Variants in KCND2 observed in about 807,000 individuals in gnomAD.
The protein encoded by KCND2 is potassium voltage-gated channel subfamily D member 2.
Under a neutral mutation model 54.4 loss-of-function variants are expected in KCND2, and 16 were observed. The ratio of observed to expected loss-of-function variants is 0.29; its 90% CI spans 0.20 to 0.45. KCND2 has a LOEUF of 0.45. Ranked by LOEUF, KCND2 falls within the 20% of genes least tolerant of loss-of-function variation. The pLI is 1.00. For synonymous variants in KCND2, 317 were observed against 310.7 expected, an observed-to-expected ratio of 1.02 and a Z score of -0.21; for missense variants, 486 against 824.2, an observed-to-expected ratio of 0.59 and a Z score of 5.02.
In KCND2 at chr7:120,711,756, C is replaced by T. The variant is rs186455154; in HGVS notation, c.1116-21147C>T. Reference sequence around the variant, plus strand: ...GTTCTATTCCTTGAGATTTCAGTTTCTGAGCAACAGCAGTTCAAAAATGAT... The same window carrying T: ...GTTCTATTCCTTGAGATTTCAGTTTTTGAGCAACAGCAGTTCAAAAATGAT... On this transcript the variant is annotated intron_variant, in intron 1 of 5. Coordinates refer to ENST00000331113, the MANE Select transcript of KCND2 (RefSeq NM_012281.3). Among the ~76,000 whole-genome samples the T allele has an allele frequency of 3.6e-3, 549 of 152,202 alleles. 1 individual carries two copies. The highest frequency in any genetic ancestry group is 5.2e-3 in the Non-Finnish European group (354 of 67,992).
chr7:120,575,794 G>A (rs1379720595), intron 1 of KCND2, among the ~76,000 whole-genome samples: 1 of 152,098 alleles, frequency 6.6e-6, no homozygotes, highest in Non-Finnish European at 1.5e-5. Flanking sequence ...AAGTAAGCTG[G>A]TGACTCTGGT....
intron 1 of KCND2, among the ~76,000 whole-genome samples, chr7:120,344,207 GATAAAA>G (rs1394478897): frequency 6.6e-6 from 1 of 152,032 alleles, no homozygotes; most frequent in Non-Finnish European, 1.5e-5. Context: ...CACAGTTTAA[GATAAAA>G]ATAATAATAT....
At chr7:120,686,122 C>A (rs1792198147) in intron 1 of KCND2, among the ~76,000 whole-genome samples, 1 of 152,146 alleles carries the variant, frequency 6.6e-6, no homozygotes, top group South Asian at 2.1e-4. Context: ...TGGCACCCCA[C>A]ATAAGAACCC....
intron 1 of KCND2, among the ~76,000 whole-genome samples, chr7:120,408,416 G>A (rs1801395118): frequency 6.6e-6 from 1 of 151,862 alleles, no homozygotes; most frequent in South Asian, 2.1e-4. Flanking sequence ...TAGAGGTAAA[G>A]ATTGGTAAGT....
intron 1 of KCND2, among the ~76,000 whole-genome samples, chr7:120,629,753 A>G (rs1320313915): frequency 6.6e-6 from 1 of 152,120 alleles, no homozygotes. Context: ...AATTCTGGAT[A>G]TATTTGGAGG....
At chr7:120,286,039 A>AT (rs1047018698) in intron 1 of KCND2, among the ~76,000 whole-genome samples, 2 of 151,686 alleles carry the variant, frequency 1.3e-5, no homozygotes, top group African/African-American at 4.8e-5. Flanking sequence ...TAAAGGGAGG[A>AT]TTTTTTTTCA....
intron 1 of KCND2, among the ~76,000 whole-genome samples, chr7:120,721,342 A>G (rs1257677563): frequency 6.6e-6 from 1 of 152,194 alleles, no homozygotes; most frequent in Non-Finnish European, 1.5e-5. Flanking sequence ...TAATAAAAAG[A>G]ATGACCATTC....
chr7:120,691,549 G>A (rs1285695399), intron 1 of KCND2, among the ~76,000 whole-genome samples: 1 of 152,146 alleles, frequency 6.6e-6, no homozygotes, highest in Non-Finnish European at 1.5e-5. Context: ...GTAAACTGGG[G>A]GAGACAGGGA....
chr7:120,683,091 G>A (rs1054967166), intron 1 of KCND2, among the ~76,000 whole-genome samples: 1 of 152,084 alleles, frequency 6.6e-6, no homozygotes, highest in Non-Finnish European at 1.5e-5. Flanking sequence ...TGGCATGACT[G>A]GCTTAGACAA....
At position 120,647,884 on chromosome 7, in the gene KCND2, G is replaced by A. The variant is rs113092136; in HGVS notation, c.1116-85019G>A. On this transcript the variant is annotated intron_variant, in intron 1 of 5. Coordinates refer to ENST00000331113, the MANE Select transcript of KCND2 (RefSeq NM_012281.3). ...CACAGATTTTATTCCCACATATACG[G>A]TATATGCATAGAAGTATGTATGCAT... is the stretch of plus-strand genomic sequence containing the variant. Among the ~76,000 whole-genome samples, 389 of 152,234 alleles carry A rather than the reference G, an allele frequency of 2.6e-3. 1 individual carries two copies. The highest frequency in any genetic ancestry group is 8.9e-3 in the African/African-American group (370 of 41,544).
intron 1 of KCND2, among the ~76,000 whole-genome samples, chr7:120,298,256 C>T (rs946561834): frequency 6.6e-6 from 1 of 152,110 alleles, no homozygotes; most frequent in African/African-American, 2.4e-5. Flanking sequence ...TAGGGCGCAT[C>T]CTCTCCTTAG....
At chr7:120,514,009 T>C (rs1803159943) in intron 1 of KCND2, among the ~76,000 whole-genome samples, 1 of 152,112 alleles carries the variant, frequency 6.6e-6, no homozygotes, top group South Asian at 2.1e-4. Context: ...TCATTAATAA[T>C]AATGTCCTAA....
intron 1 of KCND2, among the ~76,000 whole-genome samples, chr7:120,707,456 C>G (rs1346070677): frequency 6.6e-6 from 1 of 152,080 alleles, no homozygotes; most frequent in Non-Finnish European, 1.5e-5. Flanking sequence ...AACTTTCCCC[C>G]TTAGTCAGAT....
intron 1 of KCND2, among the ~76,000 whole-genome samples, chr7:120,464,937 C>T (rs1293763802): frequency 6.6e-6 from 1 of 152,140 alleles, no homozygotes; most frequent in Non-Finnish European, 1.5e-5. Flanking sequence ...TAAATTAGAT[C>T]CATCTAGATA....
chr7:120,693,187 A>G (rs921969422), intron 1 of KCND2, among the ~76,000 whole-genome samples: 1 of 152,164 alleles, frequency 6.6e-6, no homozygotes, highest in Non-Finnish European at 1.5e-5. Context: ...TGCACTTTCT[A>G]TTCATTTTCT....
At chr7:120,401,720 C>A (rs1278399400) in intron 1 of KCND2, among the ~76,000 whole-genome samples, 2 of 152,134 alleles carry the variant, frequency 1.3e-5, no homozygotes, top group Non-Finnish European at 2.9e-5. Flanking sequence ...GTCTTAGTAG[C>A]CTTCTGTCCA....
At chr7:120,536,578 C>G (rs928077832) in intron 1 of KCND2, among the ~76,000 whole-genome samples, 1 of 152,122 alleles carries the variant, frequency 6.6e-6, no homozygotes, top group African/African-American at 2.4e-5. Context: ...TATCCTAAAG[C>G]CTTTGTTGTC....
Position 120,374,252 on chromosome 7 carries a change from C to A in KCND2, c.1115+98505C>A, listed in dbSNP as rs1800805067. Among the ~76,000 whole-genome samples the A allele has an allele frequency of 2.0e-5, 3 of 151,776 alleles. No homozygotes were observed. In the Admixed American group the frequency reaches 2.0e-4, roughly 10 times the overall value. The stretch of plus-strand genomic sequence containing the variant: ...TACTATTTTTAACTCTTAAAAAATT[C>A]TAATGCTTATGACAATTTTTACCTC... On this transcript the variant is annotated intron_variant, in intron 1 of 5. Transcript: ENST00000331113.
intron 1 of KCND2, among the ~76,000 whole-genome samples, chr7:120,499,062 A>G (rs1357701187): frequency 6.6e-6 from 1 of 152,158 alleles, no homozygotes; most frequent in Non-Finnish European, 1.5e-5. Flanking sequence ...ATTTTAAATT[A>G]TGGGCAGGAA....
Sources: gnomAD v4.1 joint callset for allele counts (sites outside exome capture counted in the v4.1 genomes callset) on GRCh38, gnomAD v4.1.1 for gene constraint, MANE v1.5 for transcripts, NCBI Gene and HGNC (gene_info 2026-07-23, HGNC 2026-07-21) for gene names.